Variants in EIF2AK1 observed in about 807,000 individuals in gnomAD.
EIF2AK1 encodes eukaryotic translation initiation factor 2-alpha kinase 1.
Under a neutral mutation model 77.9 loss-of-function variants are expected in EIF2AK1, and 54 were observed. That is an observed-to-expected ratio of 0.69 (90% confidence interval 0.56 to 0.87). EIF2AK1 has a LOEUF of 0.87. Among genes scored for constraint, EIF2AK1 ranks in the 40% least tolerant of loss-of-function variants. EIF2AK1 has a pLI of 0.00. For synonymous variants in EIF2AK1, 314 were observed against 290.5 expected (o/e 1.08, Z -0.82); for missense variants, 810 against 768.6 (o/e 1.05, Z -0.64).
In EIF2AK1 at chr7:6,039,642, A is replaced by AG. The variant is rs1356941462; in HGVS notation, c.1120-972dup. Among the ~76,000 whole-genome samples the AG allele has an allele frequency of 6.8e-5, 10 of 147,046 alleles. No homozygotes were observed. In the East Asian group the frequency reaches 2.2e-3, roughly 32 times the overall value. On this transcript the variant is annotated intron_variant, in intron 9 of 14. Transcript: ENST00000199389. ...TCTCCAAAAAAAAAAAAAAAAAAAA[A>AG]GCACAGGCTTGGTAGGATGCAGTGG...
chr7:6,028,795 A>G (rs1787821997), intron 12 of EIF2AK1, 98 bp from the exon 13 acceptor site: 1 of 1,416,592 alleles, frequency 7.1e-7, no homozygotes, highest in Non-Finnish European at 9.9e-7. Context: ...TAAGAGAACA[A>G]CAGTTGCTTT....
At chr7:6,052,898 G>C (rs1267853357) in intron 2 of EIF2AK1, among the ~76,000 whole-genome samples, 3 of 152,054 alleles carry the variant, frequency 2.0e-5, no homozygotes, top group Non-Finnish European at 4.4e-5. Context: ...GGGGGGCGGA[G>C]ATTGCAGTGA....
intron 2 of EIF2AK1, among the ~76,000 whole-genome samples, chr7:6,051,258 C>T (rs1036085360): frequency 5.3e-5 from 8 of 150,560 alleles, no homozygotes; most frequent in Non-Finnish European, 1.2e-4. Flanking sequence ...CCAATGAGGA[C>T]ATTTTTTTTT....
chr7:6,058,607 C>T (rs1788861466), intron 1 of EIF2AK1, among the ~76,000 whole-genome samples: 1 of 152,204 alleles, frequency 6.6e-6, no homozygotes, highest in South Asian at 2.1e-4. Flanking sequence ...TGCAAAGTCT[C>T]CTTGCAGTAA....
intron 1 of EIF2AK1, among the ~76,000 whole-genome samples, chr7:6,058,478 T>C (rs1788857361): frequency 6.6e-6 from 1 of 152,162 alleles, no homozygotes; most frequent in African/African-American, 2.4e-5. Flanking sequence ...GCTGCCTCAC[T>C]ATAAGAAATC....
At chr7:6,050,602 CTT>C (rs576925022) in intron 2 of EIF2AK1, among the ~76,000 whole-genome samples, 38 of 132,946 alleles carry the variant, frequency 2.9e-4, no homozygotes, top group Non-Finnish European at 2.1e-4. Context: ...AATTACTTCT[CTT>C]TTTTTTTTTT....
intron 2 of EIF2AK1, among the ~76,000 whole-genome samples, chr7:6,051,939 A>C (rs1335571984): frequency 6.6e-6 from 1 of 152,032 alleles, no homozygotes; most frequent in Non-Finnish European, 1.5e-5. Flanking sequence ...TTGGGAGGCC[A>C]AGGCCAGTGG....
In EIF2AK1 at chr7:6,023,119, G is replaced by A; in HGVS notation, c.*1554C>T. On this transcript the variant is annotated 3_prime_UTR_variant, in exon 15 of 15. Coordinates refer to ENST00000199389, the MANE Select transcript of EIF2AK1 (RefSeq NM_014413.4). ...TTTGGTTACTTTTTTAACATAGTTT[G>A]CACTTAAACCCTTTTCAGTAGTAAG... is the stretch of plus-strand genomic sequence containing the variant. 1.5e-6 allele frequency: 1 copy of A among 651,748 alleles called. No homozygotes were observed. Among genetic ancestry groups the A allele is most frequent in the Non-Finnish European group, 2.5e-6 (1 of 402,480 alleles). 40.4% of individuals were successfully genotyped at this position (651,748 alleles called of 1,614,324 possible). A position where few individuals can be genotyped will look rare whatever the true frequency, so the allele number is the denominator to read the frequency against.
chr7:6,023,038 G>GTA lies in EIF2AK1; in HGVS notation c.*1634_*1635insTA. 2.6e-5 allele frequency: 10 copies of GTA among 391,792 alleles called. No homozygotes were observed. The highest frequency in any genetic ancestry group is 1.8e-4 in the South Asian group (4 of 22,720). The allele number at this position is 391,792 out of a possible 1,614,324, so 24.3% of individuals were successfully genotyped here. ...TTAGGCAGCAGGGATTGGAGCAGGT[G>GTA]GTCTGAGGTCCCTTCTAGCTTCAGA... On this transcript the variant is annotated 3_prime_UTR_variant, in exon 15 of 15. Coordinates refer to ENST00000199389, the MANE Select transcript of EIF2AK1 (RefSeq NM_014413.4).
intron 12 of EIF2AK1, 66 bp from the exon 13 acceptor site, chr7:6,028,763 T>A (rs1029487549): frequency 4.1e-5 from 63 of 1,520,036 alleles, no homozygotes; most frequent in Non-Finnish European, 5.6e-5. Context: ...GAACATTTAC[T>A]ATGAGGAAGC....
At chr7:6,056,636 A>ATATATATATATAT (rs1554324739) in intron 1 of EIF2AK1, among the ~76,000 whole-genome samples, 9 of 118,896 alleles carry the variant, frequency 7.6e-5, no homozygotes, top group Non-Finnish European at 1.0e-4. Context: ...ATATATATAT[A>ATATATATATATAT]AACTCTGTCT....
chr7:6,031,507 CGAGGTACTCCT>C lies in EIF2AK1; in HGVS notation c.1333-2486_1333-2476del, dbSNP rs777425350. 1.5e-5 allele frequency: 24 copies of C among 1,550,552 alleles called. No homozygotes were observed. In the South Asian group the frequency reaches 2.9e-4, roughly 18 times the overall value. On this transcript the variant is annotated intron_variant, in intron 11 of 14. Transcript: ENST00000199389. Reference sequence around the variant, plus strand: ...TCATGAGAGAAGACTGCACTACGATCGAGGTACTCCTGAGAAATCACCCTGTCAACCAGCCC... The same window carrying C: ...TCATGAGAGAAGACTGCACTACGATCGAGAAATCACCCTGTCAACCAGCCC...
In EIF2AK1 at chr7:6,041,446, G is replaced by A. The variant is rs927221831; in HGVS notation, c.792-227C>T. 2.6e-5 allele frequency among the ~76,000 whole-genome samples: 4 copies of A among 152,188 alleles called. No individual in the cohort carries two copies. In the East Asian group the frequency reaches 5.8e-4, roughly 22 times the overall value. On this transcript the variant is annotated intron_variant, in intron 8 of 14. Transcript: ENST00000199389. The stretch of plus-strand genomic sequence containing the variant: ...CGCAGCTACTGGGGAGGATGAGGCA[G>A]GAAAATGACTCGAACCCAGGAGATG...
At chr7:6,030,786 C>T (rs1028819424) in intron 11 of EIF2AK1, among the ~76,000 whole-genome samples, 11 of 152,096 alleles carry the variant, frequency 7.2e-5, no homozygotes, top group East Asian at 1.9e-4. Context: ...CATGAGCGAC[C>T]GCACCCAGCC....
Position 6,033,459 on chromosome 7 carries a change from T to C in EIF2AK1, c.1332+3965A>G, listed in dbSNP as rs1787975052. ...AAATATTTTGCCAAATTAATGCACA[T>C]TCTGAGGATTAAGAGCTCAATGGTG... On this transcript the variant is annotated intron_variant, in intron 11 of 14. Transcript: ENST00000199389. The surrounding 1 kb of genome is among the most constrained non-coding windows in gnomAD (Gnocchi z 4.4). 6.6e-6 allele frequency among the ~76,000 whole-genome samples: 1 copy of C among 152,192 alleles called. No homozygotes were observed. The highest frequency in any genetic ancestry group is 2.4e-5 in the African/African-American group (1 of 41,440).
At chr7:6,047,548 C>T (rs1388265777) in intron 4 of EIF2AK1, among the ~76,000 whole-genome samples, 1 of 151,838 alleles carries the variant, frequency 6.6e-6, no homozygotes, top group Non-Finnish European at 1.5e-5. Flanking sequence ...TGGCGGGTGC[C>T]TGTAATCCCA....
intron 14 of EIF2AK1, among the ~76,000 whole-genome samples, chr7:6,025,909 G>T (rs535204169): frequency 6.6e-6 from 1 of 152,104 alleles, no homozygotes; most frequent in East Asian, 1.9e-4. Context: ...CCATGCCTGG[G>T]ATTACAGGCA....
intron 11 of EIF2AK1, among the ~76,000 whole-genome samples, chr7:6,030,227 A>G (rs11770075): frequency 0.65 from 98,773 of 151,660 alleles, 32,336 homozygotes; most frequent in East Asian, 0.85. Flanking sequence ...CTTAAGCGGG[A>G]AAGGGACCAG....
intron 1 of EIF2AK1, among the ~76,000 whole-genome samples, chr7:6,056,547 T>C (rs1040102884): frequency 2.2e-5 from 3 of 138,676 alleles, no homozygotes; most frequent in African/African-American, 8.1e-5. Flanking sequence ...TGAGCCGAGA[T>C]CGCGCGACTG....
Sources: allele counts gnomAD v4.1 joint callset (sites outside exome capture counted in the v4.1 genomes callset), GRCh38; gene constraint gnomAD v4.1.1; non-coding constraint Gnocchi (gnomAD v3.1); transcripts MANE v1.5; gene names NCBI Gene and HGNC (gene_info 2026-07-23, HGNC 2026-07-21).